The following WWOX variants were observed in gnomAD, a reference collection of about 807,000 sequenced individuals.
WWOX encodes WW domain-containing oxidoreductase.
Under a neutral mutation model 46.2 loss-of-function variants are expected in WWOX, and 69 were observed. The ratio of observed to expected loss-of-function variants is 1.49; its 90% CI spans 1.23 to 1.82. The LOEUF (loss-of-function observed/expected upper bound fraction) is 1.82. Ranked by LOEUF, WWOX falls within the 40% of genes most tolerant of loss-of-function variation. WWOX has a pLI of 0.00. For missense variants in WWOX, 919 were observed against 542.6 expected (o/e 1.69, Z -6.89); for synonymous variants, 359 against 202.6 (o/e 1.77, Z -6.56).
At chr16:78,804,356 T>C (rs556475437) in intron 8 of WWOX, among the ~76,000 whole-genome samples, 2 of 152,028 alleles carry the variant, frequency 1.3e-5, no homozygotes, top group Admixed American at 1.3e-4. Context: ...CTTTGACTTT[T>C]GCTCGGCAGC....
At chr16:78,896,922 C>G (rs1401214486) in intron 8 of WWOX, 1 of 151,828 alleles carries the variant, frequency 6.6e-6, no homozygotes, top group Non-Finnish European at 1.5e-5. Context: ...TCCACCACCC[C>G]AGTTAAGATA....
intron 6 of WWOX, among the ~76,000 whole-genome samples, chr16:78,392,662 C>G (rs555143973): frequency 6.6e-6 from 1 of 152,148 alleles, no homozygotes; most frequent in African/African-American, 2.4e-5. Context: ...ACATACTCTT[C>G]TGTCTCCTGA....
chr16:78,582,907 TG>T (rs2045098371), intron 8 of WWOX, among the ~76,000 whole-genome samples: 1 of 152,156 alleles, frequency 6.6e-6, no homozygotes, highest in African/African-American at 2.4e-5. Flanking sequence ...CTGCTAATTT[TG>T]GGGACAAGAA....
At chr16:78,188,383 G>C (rs568932125) in intron 5 of WWOX, among the ~76,000 whole-genome samples, 4 of 151,980 alleles carry the variant, frequency 2.6e-5, no homozygotes, top group South Asian at 4.2e-4. Context: ...AGCTACTCGG[G>C]AGGCTGAGGC....
chr16:79,026,487 T>C (rs1424165907), intron 8 of WWOX, among the ~76,000 whole-genome samples: 2 of 151,762 alleles, frequency 1.3e-5, no homozygotes, highest in African/African-American at 4.9e-5. Flanking sequence ...TACTTGTTCA[T>C]GTGATCATTG....
At chr16:78,830,714 G>C (rs1250454259) in intron 8 of WWOX, among the ~76,000 whole-genome samples, 6 of 151,742 alleles carry the variant, frequency 4.0e-5, no homozygotes, top group Non-Finnish European at 7.4e-5. Flanking sequence ...GGCTGTTCAG[G>C]TCGATTTGGC....
At chr16:79,204,590 A>G (rs1333905186) in intron 8 of WWOX, 1 of 152,320 alleles carries the variant, frequency 6.6e-6, no homozygotes, top group East Asian at 1.9e-4. Context: ...AGGAGGTATG[A>G]AAAGGGCTTC....
At chr16:78,997,218 C>A (rs544738766) in intron 8 of WWOX, among the ~76,000 whole-genome samples, 1 of 152,102 alleles carries the variant, frequency 6.6e-6, no homozygotes, top group African/African-American at 2.4e-5. Context: ...GTCCTCAAAG[C>A]AAACTGAAAT....
intron 8 of WWOX, among the ~76,000 whole-genome samples, chr16:78,714,344 A>C (rs1311686367): frequency 6.6e-6 from 1 of 152,094 alleles, no homozygotes; most frequent in Non-Finnish European, 1.5e-5. Context: ...GGTGGCAGGC[A>C]AGAGAGCCTT....
rs1289723530 is a variant in WWOX at position 79,163,816 on chromosome 16, A to AAG, written c.1057-47782_1057-47781dup. ...ACCTCAAAAAAAAAAAAAAAAAAAA[A>AAG]AGAGAGAGAGAATAAGGTCAGAGGG... On this transcript the variant is annotated intron_variant, in intron 8 of 8. Coordinates refer to ENST00000566780, the MANE Select transcript of WWOX (RefSeq NM_016373.4). 6.1e-3 allele frequency among the ~76,000 whole-genome samples: 761 copies of AAG among 124,232 alleles called. 23 individuals are homozygous for AAG. Among genetic ancestry groups the AAG allele is most frequent in the African/African-American group, 0.012 (341 of 27,336 alleles). The allele number at this position is 124,232 out of a possible 152,430, so 81.5% of individuals were successfully genotyped here.
intron 8 of WWOX, among the ~76,000 whole-genome samples, chr16:79,191,093 G>T (rs953129022): frequency 4.0e-5 from 6 of 151,822 alleles, no homozygotes; most frequent in South Asian, 2.1e-4. Context: ...TTGCAGTGTC[G>T]CCCAGGCTGG....
At chr16:78,820,170 A>G (rs2051453882) in intron 8 of WWOX, among the ~76,000 whole-genome samples, 1 of 152,132 alleles carries the variant, frequency 6.6e-6, no homozygotes, top group Non-Finnish European at 1.5e-5. Context: ...TGCTGGAGAC[A>G]TAGGAGAAGC....
At chr16:78,270,522 C>T (rs2079456687) in intron 5 of WWOX, 1 of 152,262 alleles carries the variant, frequency 6.6e-6, no homozygotes, top group Non-Finnish European at 1.5e-5. Context: ...CACATCCTCC[C>T]TGTGGGACTA....
intron 5 of WWOX, among the ~76,000 whole-genome samples, chr16:78,214,195 G>A (rs1567432915): frequency 6.6e-6 from 1 of 152,136 alleles, no homozygotes; most frequent in Non-Finnish European, 1.5e-5. Context: ...CCCTGTCAGT[G>A]CTTTGTCACC....
intron 8 of WWOX, among the ~76,000 whole-genome samples, chr16:78,438,488 C>G (rs78986479): frequency 1.3e-5 from 2 of 151,426 alleles, no homozygotes; most frequent in East Asian, 3.9e-4. Flanking sequence ...GCTTTCATTT[C>G]TGGTAAATAC....
At chr16:79,036,285 T>A (rs115450036) in intron 8 of WWOX, among the ~76,000 whole-genome samples, 95 of 152,354 alleles carry the variant, frequency 6.2e-4, no homozygotes, top group African/African-American at 2.2e-3. Context: ...CACCAGATAA[T>A]GCCCATCAGA....
chr16:79,153,235 A>C lies in WWOX; in HGVS notation c.1057-58373A>C, dbSNP rs2050316012. Among the ~76,000 whole-genome samples, 4 of 152,272 alleles carry C rather than the reference A, an allele frequency of 2.6e-5. No homozygotes were observed. In the South Asian group the frequency reaches 8.3e-4, roughly 32 times the overall value. ...GCGTAGTGGCTTGCGAAAAGATTCC[A>C]GCACTAAAGTTTGACCCCAGTCCTA... On this transcript the variant is annotated intron_variant, in intron 8 of 8. Transcript: ENST00000566780.
At chr16:79,209,224 T>C (rs937644855) in intron 8 of WWOX, among the ~76,000 whole-genome samples, 2 of 152,198 alleles carry the variant, frequency 1.3e-5, no homozygotes, top group African/African-American at 4.8e-5. Context: ...TAATTGCCTT[T>C]AGATTCCGTG....
At chr16:78,556,162 G>A (rs1439690896) in intron 8 of WWOX, among the ~76,000 whole-genome samples, 1 of 151,780 alleles carries the variant, frequency 6.6e-6, no homozygotes, top group Non-Finnish European at 1.5e-5. Flanking sequence ...GGTCAATTAG[G>A]CCCTCCTTAT....
Sources: allele counts gnomAD v4.1 joint callset (sites outside exome capture counted in the v4.1 genomes callset), GRCh38; gene constraint gnomAD v4.1.1; transcripts MANE v1.5; gene names NCBI Gene and HGNC (gene_info 2026-07-23, HGNC 2026-07-21).